The following PKNOX2 variants were observed in gnomAD, a reference collection of about 807,000 sequenced individuals.
PKNOX2 encodes the protein homeobox protein PKNOX2.
A neutral mutation model predicts 53.1 loss-of-function variants in PKNOX2; 14 were observed. The observed-to-expected ratio is 0.26, with a 90% CI of 0.17 to 0.41. PKNOX2 has a LOEUF of 0.41. Ranked by LOEUF, PKNOX2 falls within the 10% of genes least tolerant of loss-of-function variation. The pLI, the probability that PKNOX2 is intolerant of heterozygous loss-of-function variation, is 1.00. For missense variants in PKNOX2, 496 were observed against 602.8 expected (o/e 0.82, Z 1.85); for synonymous variants, 257 against 242.8 (o/e 1.06, Z -0.54).
chr11:125,215,526 C>T (rs569078535), intron 1 of PKNOX2, among the ~76,000 whole-genome samples: 3 of 152,044 alleles, frequency 2.0e-5, no homozygotes, highest in Admixed American at 6.5e-5. Flanking sequence ...CTGAAGCAGG[C>T]GGATCACCTG....
Position 125,430,116 on chromosome 11 carries a change from C to A in PKNOX2, c.1167C>A (p.Gly389=), listed in dbSNP as rs753055662. The part of the protein sequence containing the change: ...SIAAGVLQQQ[G]GAPGTNPDGS... Reference sequence around the variant, plus strand: ...CTGCGGGGGTGCTGCAGCAGCAGGGCGGTGCCCCAGGGACAAACCCCGATG... The same window carrying A: ...CTGCGGGGGTGCTGCAGCAGCAGGGAGGTGCCCCAGGGACAAACCCCGATG... Residue 389 remains glycine (G), a synonymous_variant, in exon 12 of 13, where the codon GGC becomes GGA. Coordinates refer to ENST00000298282, the MANE Select transcript of PKNOX2 (RefSeq NM_001382323.2). 6.8e-6 allele frequency: 11 copies of A among 1,614,050 alleles called. No homozygotes were observed. The highest frequency in any genetic ancestry group is 9.3e-6 in the Non-Finnish European group (11 of 1,179,956).
At chr11:125,254,186 G>A (rs12288391) in intron 2 of PKNOX2, among the ~76,000 whole-genome samples, 50,516 of 152,024 alleles carry the variant, frequency 0.33, 8,690 homozygotes, top group African/African-American at 0.38. Context: ...GGCAATTTCC[G>A]AACCGCTTTT....
At chr11:125,205,767 A>G (rs636997) in intron 1 of PKNOX2, among the ~76,000 whole-genome samples, 73,108 of 151,856 alleles carry the variant, frequency 0.48, 18,432 homozygotes, top group African/African-American at 0.57. Flanking sequence ...GGGCACTTAA[A>G]ATCTACAAGA....
At chr11:125,430,483 G>A (rs957508157) in intron 12 of PKNOX2, among the ~76,000 whole-genome samples, 2 of 152,104 alleles carry the variant, frequency 1.3e-5, no homozygotes, top group Admixed American at 1.3e-4. Context: ...AAATATCAAG[G>A]CAGGCAGCTG....
chr11:125,309,840 C>T (rs1948698456), intron 2 of PKNOX2, among the ~76,000 whole-genome samples: 1 of 152,222 alleles, frequency 6.6e-6, no homozygotes, highest in Non-Finnish European at 1.5e-5. Context: ...AGCACACCTT[C>T]CATAGTGTCA....
chr11:125,218,592 C>T (rs1304304005), intron 1 of PKNOX2, among the ~76,000 whole-genome samples: 1 of 152,082 alleles, frequency 6.6e-6, no homozygotes, highest in African/African-American at 2.4e-5. Context: ...AGAGCTAAGG[C>T]ACTTGGATGG....
At chr11:125,322,833 C>T (rs924747044) in intron 2 of PKNOX2, among the ~76,000 whole-genome samples, 1 of 152,174 alleles carries the variant, frequency 6.6e-6, no homozygotes, top group East Asian at 1.9e-4. Context: ...CTCAGTTTTG[C>T]TTATTCTGTC....
chr11:125,431,222 A>G lies in PKNOX2; in HGVS notation c.1249A>G (p.Met417Val). The change falls in exon 13 of 13, where the codon ATG becomes GTG. Residue 417 changes from methionine (M) to valine (V), a missense_variant. Met to Val is a conservative substitution (Grantham distance 21). Around this residue, in one of 5 missense-constraint regions of PKNOX2, gnomAD observed 139 missense variants for 161.3 expected, o/e 0.86. Transcript: ENST00000298282. ...GTCCTCAGACAGTGCCACCATGGCC[A>G]TGCAGCAGGCTATGATGGCTGCACA... ...SLSSDSATMA[M>V]QQAMMAAHDD... 4.3e-6 allele frequency: 7 copies of G among 1,613,846 alleles called. No homozygotes were observed. The highest frequency in any genetic ancestry group is 5.9e-6 in the Non-Finnish European group (7 of 1,179,890).
At chr11:125,312,470 G>A (rs2136014838) in intron 2 of PKNOX2, among the ~76,000 whole-genome samples, 1 of 152,348 alleles carries the variant, frequency 6.6e-6, no homozygotes, top group South Asian at 2.1e-4. Flanking sequence ...TCTGTGGGAA[G>A]TCACCCTGCT....
chr11:125,257,208 A>G (rs1405345117), intron 2 of PKNOX2, among the ~76,000 whole-genome samples: 1 of 152,246 alleles, frequency 6.6e-6, no homozygotes, highest in Non-Finnish European at 1.5e-5. Context: ...AAAAGAACAT[A>G]CATTAAAACT....
In PKNOX2 at chr11:125,430,132, AAC is replaced by A; in HGVS notation, c.1184_1185del (p.Asn395ThrfsTer32). ...LQQQGGAPGT[N>X]PDGSINLDNL... is the part of the protein sequence containing the mutation. ...GCAGCAGGGCGGTGCCCCAGGGACA[AAC>A]CCCGATGGTAAGAACTGGGGCTGAG... On this transcript the variant is annotated frameshift_variant, in exon 12 of 13. Transcript: ENST00000298282. LOFTEE classifies it high-confidence loss of function. The A allele has an allele frequency of 1.2e-6, 2 of 1,613,950 alleles. No individual in the cohort carries two copies. Among genetic ancestry groups the A allele is most frequent in the Non-Finnish European group, 1.7e-6 (2 of 1,179,898 alleles).
chr11:125,207,320 G>A lies in PKNOX2; in HGVS notation c.-200-27725G>A, dbSNP rs958455826. On this transcript the variant is annotated intron_variant, in intron 1 of 12. Transcript: ENST00000298282. ...CCAACATCTATGGAACATATAGCTG[G>A]AGACGTCTAGCAGGAAATTGAATAC... 9.2e-5 allele frequency among the ~76,000 whole-genome samples: 14 copies of A among 151,616 alleles called. 1 individual carries two copies. Among genetic ancestry groups the A allele is most frequent in the African/African-American group, 3.4e-4 (14 of 41,202 alleles).
At chr11:125,294,458 G>C (rs577266127) in intron 2 of PKNOX2, among the ~76,000 whole-genome samples, 1 of 152,212 alleles carries the variant, frequency 6.6e-6, no homozygotes, top group Admixed American at 6.5e-5. Flanking sequence ...GGGAGAAGTC[G>C]GGCTTGGAGG....
At chr11:125,367,277 G>A (rs1952238395) in intron 4 of PKNOX2, among the ~76,000 whole-genome samples, 1 of 152,098 alleles carries the variant, frequency 6.6e-6, no homozygotes, top group Admixed American at 6.5e-5. Flanking sequence ...ATTTGTTATG[G>A]CCAAGAACAA....
At chr11:125,431,018 C>A in intron 12 of PKNOX2, 148 bp from the exon 13 acceptor site, 1 of 1,410,894 alleles carries the variant, frequency 7.1e-7, no homozygotes, top group Non-Finnish European at 9.3e-7. Flanking sequence ...GACTTCATAC[C>A]AGGGCATTGT....
intron 1 of PKNOX2, among the ~76,000 whole-genome samples, chr11:125,181,775 A>T (rs1160934390): frequency 1.3e-5 from 2 of 152,218 alleles, no homozygotes; most frequent in Non-Finnish European, 2.9e-5. Flanking sequence ...ATGGTCTCCA[A>T]GATGCCAAGA....
At chr11:125,228,461 T>G (rs1941915494) in intron 1 of PKNOX2, among the ~76,000 whole-genome samples, 1 of 152,152 alleles carries the variant, frequency 6.6e-6, no homozygotes. Flanking sequence ...TATTAGGTCT[T>G]AGGTGTCTTG....
intron 1 of PKNOX2, among the ~76,000 whole-genome samples, chr11:125,228,264 A>G (rs1941890710): frequency 6.6e-6 from 1 of 152,192 alleles, no homozygotes; most frequent in Non-Finnish European, 1.5e-5. Flanking sequence ...TGAGGACTGA[A>G]TTTTACATTT....
rs7951029 is a variant in PKNOX2 at position 125,402,741 on chromosome 11, T to G, written c.588+4679T>G. ...AGGAGCTGCAGGCAGGGATTCTGGA[T>G]TGGGTGATCCACATGTGTGGCTTGA... On this transcript the variant is annotated intron_variant, in intron 7 of 12. Transcript: ENST00000298282. Among the ~76,000 whole-genome samples, 1,316 of 152,086 alleles carry G rather than the reference T, an allele frequency of 8.7e-3. 16 individuals carry two copies. The highest frequency in any genetic ancestry group is 0.03 in the African/African-American group (1,260 of 41,472).
Sources: gnomAD v4.1 joint callset for allele counts (sites outside exome capture counted in the v4.1 genomes callset) on GRCh38, gnomAD v4.1.1 for gene constraint, gnomAD v4.1.1 regional missense constraint, MANE v1.5 for transcripts, NCBI Gene and HGNC (gene_info 2026-07-23, HGNC 2026-07-21) for gene names.